PLCXD3: variants seen among roughly 807,000 people sequenced by gnomAD.
The protein encoded by PLCXD3 is phosphatidylinositol specific phospholipase C X domain containing 3.
PLCXD3 carries 19 observed loss-of-function variants against 25.5 expected under a neutral mutation model. The ratio of observed to expected loss-of-function variants is 0.75; its 90% CI spans 0.52 to 1.09. The LOEUF (loss-of-function observed/expected upper bound fraction) is 1.09. Ranked by LOEUF, PLCXD3 falls within the 50% of genes least tolerant of loss-of-function variation. The probability of loss-of-function intolerance (pLI) is 0.00; values close to 1 mark genes in which losing one functional copy is unlikely to be tolerated. For synonymous variants in PLCXD3, 174 were observed against 137.6 expected (o/e 1.26, Z -1.85); for missense variants, 411 against 388.1 (o/e 1.06, Z -0.50).
At position 41,329,786 on chromosome 5, in the gene PLCXD3, T is replaced by A. The variant is rs180945166; in HGVS notation, c.813-16016A>T. On this transcript the variant is annotated intron_variant, in intron 2 of 2. Transcript: ENST00000377801. ...TATTAGAATTAATTTTTTTATATAA[T>A]CAGATGTATTTAATCTATTTTATTA... 3.4e-3 allele frequency among the ~76,000 whole-genome samples: 508 copies of A among 149,410 alleles called. 3 individuals carry two copies. The highest frequency in any genetic ancestry group is 0.012 in the African/African-American group (492 of 41,024).
At position 41,403,398 on chromosome 5, in the gene PLCXD3, G is replaced by GT. The variant is rs764950342; in HGVS notation, c.104-20865dup. Among the ~76,000 whole-genome samples the GT allele has an allele frequency of 2.4e-4, 8 of 33,994 alleles. 1 individual carries two copies. Among genetic ancestry groups the GT allele is most frequent in the South Asian group, 8.3e-4 (1 of 1,198 alleles). The allele number at this position is 33,994 out of a possible 152,430, so 22.3% of individuals were successfully genotyped here. On this transcript the variant is annotated intron_variant, in intron 1 of 2. Coordinates refer to ENST00000377801, the MANE Select transcript of PLCXD3 (RefSeq NM_001005473.3). ...GCCATTTACCCAGATTGACTTATTT[G>GT]TTGTTTTTTTTTTTTTTTATTATAC...
chr5:41,395,666 T>C (rs116386344), intron 1 of PLCXD3, among the ~76,000 whole-genome samples: 1,774 of 152,202 alleles, frequency 0.012, 40 homozygotes, highest in African/African-American at 0.041. Flanking sequence ...CATTAGCAGC[T>C]ACTATGAGCA....
At chr5:41,411,093 G>T (rs757047380) in intron 1 of PLCXD3, among the ~76,000 whole-genome samples, 2 of 152,134 alleles carry the variant, frequency 1.3e-5, no homozygotes, top group Non-Finnish European at 2.9e-5. Context: ...ACAATGACTC[G>T]ATTGTGTTTT....
At chr5:41,392,551 G>A (rs948424734) in intron 1 of PLCXD3, among the ~76,000 whole-genome samples, 2 of 152,130 alleles carry the variant, frequency 1.3e-5, no homozygotes, top group Non-Finnish European at 2.9e-5. Context: ...CAATACCCAA[G>A]TCCTTTCGAG....
rs1328511463 is a variant in PLCXD3 at position 41,364,625 on chromosome 5, G to A, written c.812+17201C>T. 5.9e-5 allele frequency among the ~76,000 whole-genome samples: 9 copies of A among 152,262 alleles called. No individual in the cohort carries two copies. The South Asian group carries it at 1.7e-3, about 28-fold the overall frequency. ...TAGATCTCAGAGACAGCTGGGGCAA[G>A]AACATCTGGGACTTCCTGCACTATC... On this transcript the variant is annotated intron_variant, in intron 2 of 2. Transcript: ENST00000377801.
At chr5:41,475,341 G>A (rs1365856485) in intron 1 of PLCXD3, among the ~76,000 whole-genome samples, 2 of 152,050 alleles carry the variant, frequency 1.3e-5, no homozygotes, top group Non-Finnish European at 2.9e-5. Flanking sequence ...CCTCGTTCAA[G>A]TCCCTATAGG....
chr5:41,426,175 G>A (rs1274364178), intron 1 of PLCXD3, among the ~76,000 whole-genome samples: 1 of 151,332 alleles, frequency 6.6e-6, no homozygotes, highest in Non-Finnish European at 1.5e-5. Context: ...TCTCATTGTT[G>A]TTTTAGTTTA....
chr5:41,332,126 C>A (rs1271505007), intron 2 of PLCXD3, among the ~76,000 whole-genome samples: 2 of 151,908 alleles, frequency 1.3e-5, no homozygotes, highest in Admixed American at 6.6e-5. Flanking sequence ...TTCTGCACAG[C>A]AAAAGAAACT....
At position 41,332,645 on chromosome 5, in the gene PLCXD3, A is replaced by G. The variant is rs866827821; in HGVS notation, c.813-18875T>C. Among the ~76,000 whole-genome samples the G allele has an allele frequency of 6.4e-3, 971 of 152,080 alleles. 17 individuals are homozygous for G. Among genetic ancestry groups the G allele is most frequent in the African/African-American group, 0.022 (906 of 41,446 alleles). ...TGCTGCTATAAAGACACATGCACACATATGTTTATTGCGGCACTATTCACA... is the reference window on the plus strand; with the variant it reads ...TGCTGCTATAAAGACACATGCACACGTATGTTTATTGCGGCACTATTCACA... On this transcript the variant is annotated intron_variant, in intron 2 of 2. Transcript: ENST00000377801.
At chr5:41,327,548 A>G (rs935481545) in intron 2 of PLCXD3, among the ~76,000 whole-genome samples, 2 of 152,280 alleles carry the variant, frequency 1.3e-5, no homozygotes, top group African/African-American at 2.4e-5. Flanking sequence ...ATTCATTCAT[A>G]TTACCCCTAC....
At chr5:41,493,814 A>G in intron 1 of PLCXD3, among the ~76,000 whole-genome samples, 1 of 152,138 alleles carries the variant, frequency 6.6e-6, no homozygotes, top group Non-Finnish European at 1.5e-5. Flanking sequence ...GGTGGGAGTG[A>G]CCCGATTTTC....
intron 1 of PLCXD3, among the ~76,000 whole-genome samples, chr5:41,485,925 G>T (rs1281097955): frequency 6.6e-6 from 1 of 152,124 alleles, no homozygotes; most frequent in Non-Finnish European, 1.5e-5. Context: ...AAGCTCATCA[G>T]AATAGGTCCA....
At chr5:41,392,103 G>T (rs1745844032) in intron 1 of PLCXD3, among the ~76,000 whole-genome samples, 1 of 152,184 alleles carries the variant, frequency 6.6e-6, no homozygotes, top group Non-Finnish European at 1.5e-5. Context: ...AGCACTTCTG[G>T]ACCTACCCAA....
At chr5:41,459,529 C>A (rs980056455) in intron 1 of PLCXD3, among the ~76,000 whole-genome samples, 1 of 151,812 alleles carries the variant, frequency 6.6e-6, no homozygotes, top group Non-Finnish European at 1.5e-5. Context: ...GTCAAACTAG[C>A]ATCACACTGC....
intron 2 of PLCXD3, among the ~76,000 whole-genome samples, chr5:41,373,862 A>T (rs1444134078): frequency 6.6e-6 from 1 of 152,092 alleles, no homozygotes. Flanking sequence ...TTCTCACCAA[A>T]GGTGAGAAAT....
chr5:41,378,555 G>A (rs984430949), intron 2 of PLCXD3, among the ~76,000 whole-genome samples: 1 of 152,060 alleles, frequency 6.6e-6, no homozygotes, highest in African/African-American at 2.4e-5. Flanking sequence ...TAAGCTAGAG[G>A]CAAGTAGGAA....
intron 2 of PLCXD3, among the ~76,000 whole-genome samples, chr5:41,364,490 G>T (rs1413754300): frequency 1.3e-5 from 2 of 152,146 alleles, no homozygotes. Context: ...TGTCACAAAG[G>T]TTGCCTGGAG....
At chr5:41,493,518 CTG>C (rs945447920) in intron 1 of PLCXD3, among the ~76,000 whole-genome samples, 1 of 152,162 alleles carries the variant, frequency 6.6e-6, no homozygotes, top group African/African-American at 2.4e-5. Context: ...TTTTGTTTGT[CTG>C]TGCCTTGCCC....
chr5:41,506,563 C>T (rs1045065633), intron 1 of PLCXD3, among the ~76,000 whole-genome samples: 5 of 152,142 alleles, frequency 3.3e-5, no homozygotes, highest in African/African-American at 1.2e-4. Flanking sequence ...ACATCCTAGA[C>T]ATTGACTCCT....
Sources: gnomAD v4.1 joint callset for allele counts (sites outside exome capture counted in the v4.1 genomes callset) on GRCh38, gnomAD v4.1.1 for gene constraint, MANE v1.5 for transcripts, NCBI Gene and HGNC (gene_info 2026-07-23, HGNC 2026-07-21) for gene names.